The following ARHGAP17 variants were observed in gnomAD, a reference collection of about 807,000 sequenced individuals.
The protein encoded by ARHGAP17 is rho GTPase-activating protein 17.
In ARHGAP17, 57 loss-of-function variants were observed where a neutral mutation model predicts 99.5. The observed-to-expected ratio is 0.57, with a 90% CI of 0.46 to 0.71. The LOEUF (loss-of-function observed/expected upper bound fraction) is 0.71, where lower values mean the gene tolerates loss of function less well. Among genes scored for constraint, ARHGAP17 ranks in the 30% least tolerant of loss-of-function variants. The pLI is 0.00. For missense variants in ARHGAP17, 1,000 were observed against 1,122.4 expected (o/e 0.89, Z 1.56); for synonymous variants, 417 against 429.6 (o/e 0.97, Z 0.36).
chr16:24,941,861 C>G, intron 16 of ARHGAP17, 126 bp downstream of exon 16: 1 of 1,317,526 alleles, frequency 7.6e-7, no homozygotes, highest in East Asian at 2.3e-5. Flanking sequence ...CAGAAACTAT[C>G]TGGACACCAT....
At position 24,933,084 on chromosome 16, in the gene ARHGAP17, C is replaced by G. The variant is rs1352601988; in HGVS notation, c.1895-1680G>C. Among the ~76,000 whole-genome samples the G allele has an allele frequency of 3.9e-5, 6 of 152,146 alleles. No individual in the cohort carries two copies. In the South Asian group the frequency reaches 6.2e-4, roughly 16 times the overall value. On this transcript the variant is annotated intron_variant, in intron 18 of 19. Transcript: ENST00000289968. ...AGAGGGCCAGTGTTTGGTAATAGGT[C>G]ACACAGCTAGTAAGGGGCAGAACTG...
intron 7 of ARHGAP17, among the ~76,000 whole-genome samples, chr16:24,961,955 A>G (rs1366365954): frequency 2.9e-5 from 4 of 136,546 alleles, no homozygotes; most frequent in African/African-American, 9.2e-5. Context: ...CGGAAAATAT[A>G]TATGTAGAGA....
At chr16:24,952,461 TA>T (rs1313306084) in intron 11 of ARHGAP17, 91 bp from the exon 12 acceptor site, 11 of 961,674 alleles carry the variant, frequency 1.1e-5, no homozygotes, top group African/African-American at 1.6e-5. Context: ...ATGATCTCAA[TA>T]ACGATCTTCC....
chr16:24,946,614 G>A (rs867473093), intron 14 of ARHGAP17, among the ~76,000 whole-genome samples: 16 of 152,028 alleles, frequency 1.1e-4, no homozygotes, highest in African/African-American at 3.6e-4. Flanking sequence ...AGAGGGCTCC[G>A]ACCTTCCTTT....
chr16:24,996,913 C>A (rs11074664), intron 1 of ARHGAP17, among the ~76,000 whole-genome samples: 3,537 of 142,386 alleles, frequency 0.025, 115 homozygotes, highest in African/African-American at 0.085. Context: ...TAGGGACAAC[C>A]AAAAAAAAAA....
Position 24,935,569 on chromosome 16 carries a change from A to T in ARHGAP17, c.1795T>A (p.Ser599Thr). Residue 599 changes from serine (S) to threonine (T), a missense_variant, in exon 18 of 20, where the codon TCT becomes ACT. By Grantham distance (58) the Ser-to-Thr change is moderately conservative. Around this residue, in one of 2 missense-constraint regions of ARHGAP17, gnomAD observed 528 missense variants for 511.4 expected, o/e 1.03. Transcript: ENST00000289968. ...APGRNNSQIA[S>T]GQNQPQAAAG... ...GCTGCCTGGGGCTGATTTTGGCCAGATGCTATCTGACTGTTGTTTCTCCCT... is the reference window on the plus strand; with the variant it reads ...GCTGCCTGGGGCTGATTTTGGCCAGTTGCTATCTGACTGTTGTTTCTCCCT... 6.2e-7 allele frequency: 1 copy of T among 1,614,142 alleles called. No individual in the cohort carries two copies. The highest frequency in any genetic ancestry group is 8.5e-7 in the Non-Finnish European group (1 of 1,180,038).
At chr16:24,998,635 T>A (rs1297228787) in intron 1 of ARHGAP17, among the ~76,000 whole-genome samples, 1 of 152,346 alleles carries the variant, frequency 6.6e-6, no homozygotes. Context: ...AGCCAAGCGC[T>A]GGACGGCAGC....
chr16:24,999,194 G>A (rs1446320592), intron 1 of ARHGAP17, among the ~76,000 whole-genome samples: 2 of 152,230 alleles, frequency 1.3e-5, no homozygotes, highest in East Asian at 1.9e-4. Flanking sequence ...CCTGGTCATC[G>A]GTATTTCATC....
intron 1 of ARHGAP17, among the ~76,000 whole-genome samples, chr16:24,984,308 C>CAG (rs975604276): frequency 3.9e-5 from 6 of 152,200 alleles, no homozygotes; most frequent in African/African-American, 1.4e-4. Context: ...TCCATGAGGG[C>CAG]AGAGAGAGAG....
intron 12 of ARHGAP17, among the ~76,000 whole-genome samples, chr16:24,951,332 C>T (rs1316857163): frequency 6.6e-6 from 1 of 152,174 alleles, no homozygotes; most frequent in Non-Finnish European, 1.5e-5. Context: ...AAATGTGGAT[C>T]ACAACATCAT....
chr16:24,985,407 T>G (rs2052833973), intron 1 of ARHGAP17, among the ~76,000 whole-genome samples: 1 of 152,232 alleles, frequency 6.6e-6, no homozygotes, highest in South Asian at 2.1e-4. Flanking sequence ...TTCCTGGACA[T>G]GCAAGGGGAG....
chr16:25,013,505 C>T (rs575968809), intron 1 of ARHGAP17, among the ~76,000 whole-genome samples: 2 of 152,172 alleles, frequency 1.3e-5, no homozygotes, highest in East Asian at 3.9e-4. Context: ...CCTGTAGTTC[C>T]AACCACATAG....
chr16:24,944,308 T>C (rs2051404206), intron 14 of ARHGAP17, among the ~76,000 whole-genome samples: 1 of 150,564 alleles, frequency 6.6e-6, no homozygotes, highest in Non-Finnish European at 1.5e-5. Context: ...ATGGTCCTGG[T>C]CTATGAATGT....
At chr16:24,924,950 GTCAT>G (rs1369781832) in intron 19 of ARHGAP17, among the ~76,000 whole-genome samples, 2 of 152,070 alleles carry the variant, frequency 1.3e-5, no homozygotes, top group Non-Finnish European at 2.9e-5. Context: ...TGTAATACCT[GTCAT>G]ATAAACTTAG....
At chr16:24,931,459 C>A (rs571553872) in intron 18 of ARHGAP17, 55 bp from the exon 19 acceptor site, 34 of 1,471,000 alleles carry the variant, frequency 2.3e-5, no homozygotes, top group Middle Eastern at 2.5e-4. Flanking sequence ...CAGCAACCAA[C>A]CCTGGCCAGG....
intron 9 of ARHGAP17, among the ~76,000 whole-genome samples, chr16:24,958,914 G>A (rs945104414): frequency 6.6e-6 from 1 of 152,232 alleles, no homozygotes; most frequent in African/African-American, 2.4e-5. Context: ...TCCAAAGACG[G>A]CCGAGCAATT....
chr16:24,979,425 A>C (rs2052609778), intron 1 of ARHGAP17, among the ~76,000 whole-genome samples: 1 of 152,178 alleles, frequency 6.6e-6, no homozygotes, highest in Non-Finnish European at 1.5e-5. Context: ...TTGAGAAAAC[A>C]CTGTTCTACA....
chr16:24,969,797 G>A (rs2052306317), intron 4 of ARHGAP17, among the ~76,000 whole-genome samples: 1 of 152,176 alleles, frequency 6.6e-6, no homozygotes. Flanking sequence ...AAGCAGACAG[G>A]AGAAAGGAAT....
chr16:24,959,750 T>C lies in ARHGAP17; in HGVS notation c.645A>G (p.Leu215=). ...EGEYGKFFVT[L]LEAQADYHRK... The stretch of plus-strand genomic sequence containing the variant: ...TATGGTAATCTGCTTGGGCTTCTAA[T>C]AACTGAGAACAGACCCACATTCAAA... Residue 215 remains leucine, a splice_region_variant and synonymous_variant, in exon 9 of 20, where the codon TTA becomes TTG. Coordinates refer to ENST00000289968, the MANE Select transcript of ARHGAP17 (RefSeq NM_001006634.3). The C allele has an allele frequency of 1.2e-6, 2 of 1,614,090 alleles. No individual in the cohort carries two copies. The highest frequency in any genetic ancestry group is 1.1e-5 in the South Asian group (1 of 91,070).
Sources: gnomAD v4.1 joint callset for allele counts (sites outside exome capture counted in the v4.1 genomes callset) on GRCh38, gnomAD v4.1.1 for gene constraint, gnomAD v4.1.1 regional missense constraint, MANE v1.5 for transcripts, NCBI Gene and HGNC (gene_info 2026-07-23, HGNC 2026-07-21) for gene names.